The following TXNDC2 variants were observed in gnomAD, a reference collection of about 807,000 sequenced individuals.
The protein encoded by TXNDC2 is thioredoxin domain-containing protein 2.
TXNDC2 carries 1 observed loss-of-function variant against 0.4 expected under a neutral mutation model. That is an observed-to-expected ratio of 2.30 (90% CI 0.82 to 10.89). TXNDC2 has a LOEUF of 10.89. Ranked by LOEUF, TXNDC2 falls within the 30% of genes most tolerant of loss-of-function variation. TXNDC2 has a pLI of 0.12. For missense variants in TXNDC2, 509 were observed against 579.8 expected (o/e 0.88, Z 1.25); for synonymous variants, 183 against 224.6 (o/e 0.81, Z 1.66).
In TXNDC2 at chr18:9,887,420, TCCCC is replaced by T; in HGVS notation, c.741_744del (p.Pro248SerfsTer18). 5.1e-4 allele frequency: 529 copies of T among 1,035,610 alleles called. No homozygotes were observed. Among genetic ancestry groups the T allele is most frequent in the Non-Finnish European group, 6.3e-4 (473 of 750,890 alleles). The allele number at this position is 1,035,610 out of a possible 1,614,324, so 64.2% of individuals were successfully genotyped here. On this transcript the variant is annotated frameshift_variant, in exon 2 of 2. Transcript: ENST00000357775. LOFTEE classifies it low-confidence loss of function (END_TRUNC). ...GCCATCCAGCCCAAGGAGGGTGACATCCCCAAGTCCCCAGAAGAAGCCATCCAGC... is the reference window on the plus strand; with the variant it reads ...GCCATCCAGCCCAAGGAGGGTGACATAAGTCCCCAGAAGAAGCCATCCAGC...
rs1294225164 is a variant in TXNDC2, at chr18:9,887,046, C to T, written c.366C>T (p.Ser122=). Residue 122 remains serine (S), a synonymous_variant, in exon 2 of 2, where the codon TCC becomes TCT. Coordinates refer to ENST00000357775, the MANE Select transcript of TXNDC2 (RefSeq NM_032243.6). ...IPKAPEETIQ[S]KKEDLPKSSE... ...AGGCCCCAGAAGAAACCATCCAATC[C>T]AAGAAGGAGGACCTCCCCAAGTCCT... is the stretch of plus-strand genomic sequence containing the variant. 1.9e-6 allele frequency: 3 copies of T among 1,603,778 alleles called. No individual in the cohort carries two copies. Among genetic ancestry groups the T allele is most frequent in the Middle Eastern group, 1.7e-4 (1 of 6,004 alleles).
Position 9,886,173 on chromosome 18 carries a change from G to A in TXNDC2, c.-93+93G>A, listed in dbSNP as rs751425291. The A allele has an allele frequency of 1.9e-6, 3 of 1,613,748 alleles. No individual in the cohort carries two copies. The East Asian group carries it at 6.7e-5, about 36-fold the overall frequency. On this transcript the variant is annotated intron_variant, in intron 1 of 1. Coordinates refer to ENST00000357775, the MANE Select transcript of TXNDC2 (RefSeq NM_032243.6). ...CTATGAGGCATCTATGAAGGATCAG[G>A]AATGGATGTAGACAAGGAACTAGGA...
Position 9,887,225 on chromosome 18 carries a change from C to T in TXNDC2, c.545C>T (p.Pro182Leu). The stretch of plus-strand genomic sequence containing the variant: ...AAGTCCCCAGAAGAAACCATCCAGC[C>T]CAAGGAGGGTGACATCCCCAAGTCC... ...IPKSPEETIQ[P>L]KEGDIPKSSA... The change falls in exon 2 of 2, where the codon CCC becomes CTC. Residue 182 changes from proline (P) to leucine (L), a missense_variant. Coordinates refer to ENST00000357775, the MANE Select transcript of TXNDC2 (RefSeq NM_032243.6). 7.6e-6 allele frequency: 12 copies of T among 1,585,732 alleles called. No individual in the cohort carries two copies. The highest frequency in any genetic ancestry group is 1.0e-5 in the Non-Finnish European group (12 of 1,162,660).
chr18:9,888,691 A>G lies in TXNDC2; in HGVS notation c.*550A>G, dbSNP rs551429. 0.92 allele frequency: 140,078 copies of G among 152,538 alleles called. 65,485 individuals are homozygous for G. The highest frequency in any genetic ancestry group is 1 in the East Asian group (5,184 of 5,184). 9.4% of individuals were successfully genotyped at this position (152,538 alleles called of 1,614,324 possible). A position where few individuals can be genotyped will look rare whatever the true frequency, so the allele number is the denominator to read the frequency against. On this transcript the variant is annotated 3_prime_UTR_variant, in exon 2 of 2. Coordinates refer to ENST00000357775, the MANE Select transcript of TXNDC2 (RefSeq NM_032243.6). ...AAGATCTGATTTGTTGGTGACGGAAATGAGATCAAGGCCGCTTCCAGATTT... is the reference window on the plus strand; with the variant it reads ...AAGATCTGATTTGTTGGTGACGGAAGTGAGATCAAGGCCGCTTCCAGATTT...
chr18:9,886,748 C>T lies in TXNDC2; in HGVS notation c.68C>T (p.Pro23Leu), dbSNP rs774952780. 6.2e-7 allele frequency: 1 copy of T among 1,614,090 alleles called. No individual in the cohort carries two copies. The highest frequency in any genetic ancestry group is 1.7e-5 in the Admixed American group (1 of 60,004). ...GCCTCACAGGAGGGCGATGACCTACCCAAGTCCTCAGCAAACACCAGCCAT... is the reference window on the plus strand; with the variant it reads ...GCCTCACAGGAGGGCGATGACCTACTCAAGTCCTCAGCAAACACCAGCCAT... ...SDASQEGDDLPKSSANTSHPK... is the reference protein window; with the variant it reads ...SDASQEGDDLLKSSANTSHPK... The change falls in exon 2 of 2, where the codon CCC becomes CTC. Residue 23 changes from proline to leucine, a missense_variant. Around this residue, in one of 5 missense-constraint regions of TXNDC2, gnomAD observed 187 missense variants for 218.0 expected, o/e 0.86. Coordinates refer to ENST00000357775, the MANE Select transcript of TXNDC2 (RefSeq NM_032243.6).
rs1171124853 is a variant in TXNDC2, at chr18:9,886,696, T to C, written c.16T>C (p.Phe6Leu). The C allele has an allele frequency of 1.9e-6, 3 of 1,614,004 alleles. No individual in the cohort carries two copies. The African/African-American group carries it at 4.0e-5, about 22-fold the overall frequency. The change falls in exon 2 of 2, where the codon TTC (phenylalanine) becomes CTC (leucine). Residue 6 changes from phenylalanine to leucine, a missense_variant. Phe to Leu is a conservative substitution (Grantham distance 22, BLOSUM62 0). Coordinates refer to ENST00000357775, the MANE Select transcript of TXNDC2 (RefSeq NM_032243.6). MVSHT[F>L]HMRTEESDAS... ...CTTTCTCCCCATGGTCAGCCACACGTTCCACATGCGCACAGAGGAGTCTGA... is the reference window on the plus strand; with the variant it reads ...CTTTCTCCCCATGGTCAGCCACACGCTCCACATGCGCACAGAGGAGTCTGA...
At chr18:9,886,517 TTTCTTTGG>T in intron 1 of TXNDC2, 64 bp from the exon 2 acceptor site, 2 of 1,295,060 alleles carry the variant, frequency 1.5e-6, no homozygotes, top group Non-Finnish European at 2.1e-6. Flanking sequence ...ATGAAGAGAA[TTTCTTTGG>T]TTCTTCTTTT....
rs777162474 is a variant in TXNDC2, at chr18:9,888,741, A to C, written c.*600A>C. On this transcript the variant is annotated 3_prime_UTR_variant, in exon 2 of 2. Transcript: ENST00000357775. The stretch of plus-strand genomic sequence containing the variant: ...TCAAGTCCAGGGCTCTACCTACTAT[A>C]ATCTACGCTCACAAAATCTCAGACA... The C allele has an allele frequency of 1.3e-5, 2 of 151,986 alleles. No individual in the cohort carries two copies. Among genetic ancestry groups the C allele is most frequent in the Admixed American group, 1.3e-4 (2 of 15,250 alleles). The allele number at this position is 151,986 out of a possible 1,614,324, so 9.4% of individuals were successfully genotyped here.
rs1219362222 is a variant in TXNDC2 at position 9,887,796 on chromosome 18, A to G, written c.1116A>G (p.Glu372=). Reference sequence around the variant, plus strand: ...AGGGTGACATCCTAAAGCCTGAAGAAGAAACAATGGAGTTCCCGGAGGGGG... The same window carrying G: ...AGGGTGACATCCTAAAGCCTGAAGAGGAAACAATGGAGTTCCCGGAGGGGG... ...SKEGDILKPE[E]ETMEFPEGDK... The change falls in exon 2 of 2, where the codon GAA becomes GAG. Residue 372 remains glutamate (E), a synonymous_variant. Coordinates refer to ENST00000357775, the MANE Select transcript of TXNDC2 (RefSeq NM_032243.6). 4.3e-6 allele frequency: 7 copies of G among 1,612,712 alleles called. No homozygotes were observed. The highest frequency in any genetic ancestry group is 5.9e-6 in the Non-Finnish European group (7 of 1,179,356).
At position 9,887,220 on chromosome 18, in the gene TXNDC2, C is replaced by G; in HGVS notation, c.540C>G (p.Ile180Met). 1.3e-6 allele frequency: 2 copies of G among 1,591,332 alleles called. No homozygotes were observed. The highest frequency in any genetic ancestry group is 1.7e-6 in the Non-Finnish European group (2 of 1,165,458). ...SDIPKSPEET[I>M]QPKEGDIPKS... Reference sequence around the variant, plus strand: ...TCCCCAAGTCCCCAGAAGAAACCATCCAGCCCAAGGAGGGTGACATCCCCA... The same window carrying G: ...TCCCCAAGTCCCCAGAAGAAACCATGCAGCCCAAGGAGGGTGACATCCCCA... The change falls in exon 2 of 2, where the codon ATC (isoleucine) becomes ATG (methionine). Residue 180 changes from isoleucine (I) to methionine (M), a missense_variant. Coordinates refer to ENST00000357775, the MANE Select transcript of TXNDC2 (RefSeq NM_032243.6).
intron 1 of TXNDC2, 188 bp downstream of exon 1, chr18:9,886,268 G>A: frequency 1.9e-6 from 3 of 1,613,884 alleles, no homozygotes; most frequent in Non-Finnish European, 2.5e-6. Flanking sequence ...AGAAACAAGT[G>A]AAGGTGATGC....
In TXNDC2 at chr18:9,887,998, G is replaced by A. The variant is rs771795630; in HGVS notation, c.1318G>A (p.Ala440Thr). 17 of 1,614,066 alleles carry A rather than the reference G, an allele frequency of 1.1e-5. No homozygotes were observed. The highest frequency in any genetic ancestry group is 9.3e-5 in the African/African-American group (7 of 74,930). Residue 440 changes from alanine (A) to threonine (T), a missense_variant, in exon 2 of 2, where the codon GCT (alanine) becomes ACT (threonine). Physicochemically the swap from Ala to Thr is moderately conservative, Grantham distance 58. This residue lies in a region of TXNDC2 where 229 missense variants were observed against 243.8 expected (regional missense o/e 0.94). Transcript: ENST00000357775. ...HEDVVFLEVD[A>T]DNCEEVVREC... is the part of the protein sequence containing the mutation. ...GGATGTGGTGTTCCTGGAGGTGGAC[G>A]CTGACAACTGTGAGGAGGTGGTGAG...
Position 9,887,935 on chromosome 18 carries a change from A to C in TXNDC2, c.1255A>C (p.Ile419Leu). 1 of 1,614,234 alleles carries C rather than the reference A, an allele frequency of 6.2e-7. No homozygotes were observed. The highest frequency in any genetic ancestry group is 8.5e-7 in the Non-Finnish European group (1 of 1,180,032). Residue 419 changes from isoleucine (I) to leucine (L), a missense_variant, in exon 2 of 2, where the codon ATC (isoleucine) becomes CTC (leucine). By Grantham distance (5) the Ile-to-Leu change is conservative. This residue lies in a region of TXNDC2 where 229 missense variants were observed against 243.8 expected (regional missense o/e 0.94). Coordinates refer to ENST00000357775, the MANE Select transcript of TXNDC2 (RefSeq NM_032243.6). ...SATWCGPCRTIRPFFHALSVK... is the reference protein window; with the variant it reads ...SATWCGPCRTLRPFFHALSVK... ...CACGTGGTGTGGGCCCTGCAGGACC[A>C]TCAGACCATTCTTCCATGCCCTGTC...
In TXNDC2 at chr18:9,888,118, G is replaced by A. The variant is rs111762145; in HGVS notation, c.1438G>A (p.Ala480Thr). 37 of 1,612,218 alleles carry A rather than the reference G, an allele frequency of 2.3e-5. No homozygotes were observed. Among genetic ancestry groups the A allele is most frequent in the African/African-American group, 2.1e-4 (16 of 74,934 alleles). ...CGGCGCCCTTAAGGAAAAACTTGAA[G>A]CAGTCATTGCAGAATTAAAGTAAAC... ...LCGALKEKLEAVIAELK is the reference protein window; with the variant it reads ...LCGALKEKLETVIAELK The change falls in exon 2 of 2, where the codon GCA (alanine) becomes ACA (threonine). Residue 480 changes from alanine to threonine, a missense_variant. This residue lies in a region of TXNDC2 where 229 missense variants were observed against 243.8 expected (regional missense o/e 0.94). Coordinates refer to ENST00000357775, the MANE Select transcript of TXNDC2 (RefSeq NM_032243.6).
At chr18:9,886,244 C>T in intron 1 of TXNDC2, 164 bp downstream of exon 1, 1 of 1,614,010 alleles carries the variant, frequency 6.2e-7, no homozygotes, top group Non-Finnish European at 8.5e-7. Context: ...AGAAATGAGG[C>T]TGGGCACTCA....
Position 9,886,707 on chromosome 18 carries a change from C to T in TXNDC2, c.27C>T (p.Arg9=), listed in dbSNP as rs1370285588. 6 of 1,614,012 alleles carry T rather than the reference C, an allele frequency of 3.7e-6. No individual in the cohort carries two copies. In the East Asian group the frequency reaches 6.7e-5, roughly 18 times the overall value. The change falls in exon 2 of 2, where the codon CGC becomes CGT. Residue 9 remains arginine, a synonymous_variant. Coordinates refer to ENST00000357775, the MANE Select transcript of TXNDC2 (RefSeq NM_032243.6). MVSHTFHM[R]TEESDASQEG... ...TGGTCAGCCACACGTTCCACATGCG[C>T]ACAGAGGAGTCTGATGCCTCACAGG...
Position 9,888,134 on chromosome 18 carries a change from T to G in TXNDC2, c.1454T>G (p.Leu485Ter), listed in dbSNP as rs746335402. The part of the protein sequence containing the change: ...KEKLEAVIAE[L>*]K ...AAACTTGAAGCAGTCATTGCAGAATTAAAGTAAACATGTATTCTGAAAACA... is the reference window on the plus strand; with the variant it reads ...AAACTTGAAGCAGTCATTGCAGAATGAAAGTAAACATGTATTCTGAAAACA... Residue 485 changes from leucine to a stop codon, truncating the protein, a stop_gained, in exon 2 of 2, where the codon TTA becomes TGA. Transcript: ENST00000357775. LOFTEE classifies it high-confidence loss of function. The G allele has an allele frequency of 6.2e-7, 1 of 1,607,938 alleles. No individual in the cohort carries two copies. The highest frequency in any genetic ancestry group is 8.5e-7 in the Non-Finnish European group (1 of 1,176,286).
Position 9,886,194 on chromosome 18 carries a change from T to A in TXNDC2, c.-93+114T>A, listed in dbSNP as rs1044399697. ...TCAGGAATGGATGTAGACAAGGAAC[T>A]AGGAATGGAAAGTGTTAAAGCTGGA... On this transcript the variant is annotated intron_variant, in intron 1 of 1. Coordinates refer to ENST00000357775, the MANE Select transcript of TXNDC2 (RefSeq NM_032243.6). 6.2e-7 allele frequency: 1 copy of A among 1,613,910 alleles called. No homozygotes were observed. Among genetic ancestry groups the A allele is most frequent in the African/African-American group, 1.3e-5 (1 of 74,908 alleles).
chr18:9,886,919 G>C lies in TXNDC2; in HGVS notation c.239G>C (p.Ser80Thr). The change falls in exon 2 of 2, where the codon AGT becomes ACT. Residue 80 changes from serine to threonine, a missense_variant. Physicochemically the swap from Ser to Thr is moderately conservative, Grantham distance 58. Around this residue, in one of 5 missense-constraint regions of TXNDC2, gnomAD observed 187 missense variants for 218.0 expected, o/e 0.86. Transcript: ENST00000357775. ...GAAAAAGCCATCCAGCCCAAAGAGAGTAACATCCCCAAGTCCTCAGCAAAA... is the reference window on the plus strand; with the variant it reads ...GAAAAAGCCATCCAGCCCAAAGAGACTAACATCCCCAAGTCCTCAGCAAAA... ...SSEKAIQPKESNIPKSSAKPI... is the reference protein window; with the variant it reads ...SSEKAIQPKETNIPKSSAKPI... The C allele has an allele frequency of 6.2e-7, 1 of 1,607,378 alleles. No individual in the cohort carries two copies. Among genetic ancestry groups the C allele is most frequent in the Non-Finnish European group, 8.5e-7 (1 of 1,176,350 alleles).
Sources: gnomAD v4.1 joint callset for allele counts on GRCh38, gnomAD v4.1.1 for gene constraint, gnomAD v4.1.1 regional missense constraint, MANE v1.5 for transcripts, NCBI Gene and HGNC (gene_info 2026-07-23, HGNC 2026-07-21) for gene names.